Variants in CLCN3 observed in about 807,000 individuals in gnomAD.
CLCN3 encodes the protein H(+)/Cl(-) exchange transporter 3.
A neutral mutation model predicts 83.4 loss-of-function variants in CLCN3; 16 were observed. The ratio of observed to expected loss-of-function variants is 0.19; its 90% CI spans 0.13 to 0.29. CLCN3 has a LOEUF of 0.29. Ranked by LOEUF, CLCN3 falls within the 10% of genes least tolerant of loss-of-function variation. The pLI is 1.00. For missense variants in CLCN3, 544 were observed against 1,006.0 expected (o/e 0.54, Z 6.21); for synonymous variants, 322 against 346.2 (o/e 0.93, Z 0.78).
intron 2 of CLCN3, among the ~76,000 whole-genome samples, chr4:169,647,629 T>TA (rs560556293): frequency 6.8e-4 from 103 of 152,244 alleles, no homozygotes; most frequent in African/African-American, 2.4e-3. Context: ...GCAACAAAAA[T>TA]AATGTAGCAT....
intron 2 of CLCN3, among the ~76,000 whole-genome samples, chr4:169,646,550 C>T (rs564124203): frequency 3.3e-5 from 5 of 152,258 alleles, no homozygotes; most frequent in African/African-American, 9.6e-5. Context: ...CCCCCCTCGG[C>T]CTTCCAAAAT....
chr4:169,681,181 G>C (rs1364670364), intron 3 of CLCN3, among the ~76,000 whole-genome samples: 7 of 152,120 alleles, frequency 4.6e-5, no homozygotes, highest in Non-Finnish European at 1.0e-4. Flanking sequence ...CTGAGTAGCT[G>C]GAATTATAGG....
At chr4:169,681,236 T>C (rs1386206246) in intron 3 of CLCN3, among the ~76,000 whole-genome samples, 1 of 152,112 alleles carries the variant, frequency 6.6e-6, no homozygotes, top group Non-Finnish European at 1.5e-5. Flanking sequence ...TTAGTAGAGA[T>C]GAAGTTTCGC....
chr4:169,667,317 G>A (rs1461947326), intron 2 of CLCN3, among the ~76,000 whole-genome samples: 10 of 150,482 alleles, frequency 6.6e-5, no homozygotes, highest in Non-Finnish European at 1.5e-4. Flanking sequence ...CTTTTTAACC[G>A]CTGTTACTCA....
intron 2 of CLCN3, among the ~76,000 whole-genome samples, chr4:169,643,872 A>T (rs905944943): frequency 6.6e-6 from 1 of 151,994 alleles, no homozygotes; most frequent in Non-Finnish European, 1.5e-5. Context: ...GAGAGCTCAA[A>T]TTTTTTTTAT....
chr4:169,622,219 A>G (rs191797158), intron 1 of CLCN3, among the ~76,000 whole-genome samples: 27 of 152,346 alleles, frequency 1.8e-4, no homozygotes, highest in African/African-American at 6.5e-4. Context: ...GTACTTCAGT[A>G]TGTGTTATCA....
At chr4:169,717,943 C>T in intron 12 of CLCN3, 1 of 930,842 alleles carries the variant, frequency 1.1e-6, no homozygotes, top group African/African-American at 1.6e-5. Flanking sequence ...CTGTTGAGTT[C>T]TGTCTTTCCC....
intron 1 of CLCN3, among the ~76,000 whole-genome samples, chr4:169,634,374 G>A (rs1007320344): frequency 6.6e-6 from 1 of 152,126 alleles, no homozygotes; most frequent in Non-Finnish European, 1.5e-5. Flanking sequence ...TACATGCTTT[G>A]ATACATCAAA....
intron 10 of CLCN3, among the ~76,000 whole-genome samples, chr4:169,705,952 G>T (rs1732971995): frequency 1.3e-5 from 2 of 152,172 alleles, no homozygotes; most frequent in Non-Finnish European, 2.9e-5. Context: ...GATCATGGGA[G>T]TCCAGGAGTT....
At chr4:169,671,957 A>C (rs1049734417) in intron 2 of CLCN3, among the ~76,000 whole-genome samples, 2 of 152,134 alleles carry the variant, frequency 1.3e-5, no homozygotes, top group Non-Finnish European at 2.9e-5. Context: ...CACGCCTGTA[A>C]TCCCGACACT....
intron 2 of CLCN3, among the ~76,000 whole-genome samples, chr4:169,649,625 AG>A (rs1410777015): frequency 6.6e-6 from 1 of 152,246 alleles, no homozygotes; most frequent in Non-Finnish European, 1.5e-5. Flanking sequence ...TGCAGTTGGT[AG>A]TGCCATTTAT....
At chr4:169,709,161 A>G (rs1037757908) in intron 11 of CLCN3, among the ~76,000 whole-genome samples, 9 of 149,308 alleles carry the variant, frequency 6.0e-5, no homozygotes, top group Non-Finnish European at 1.0e-4. Context: ...TGTATGTGTT[A>G]TATATAGTTA....
intron 1 of CLCN3, among the ~76,000 whole-genome samples, chr4:169,627,592 G>C (rs1773266933): frequency 6.6e-6 from 1 of 151,930 alleles, no homozygotes; most frequent in African/African-American, 2.4e-5. Context: ...ATTAATAAAT[G>C]ACTCCAAAAA....
intron 2 of CLCN3, among the ~76,000 whole-genome samples, chr4:169,672,858 T>C (rs1006701588): frequency 6.6e-6 from 1 of 151,950 alleles, no homozygotes; most frequent in Non-Finnish European, 1.5e-5. Flanking sequence ...AGAGACAGGG[T>C]TTCACCATCT....
In CLCN3 at chr4:169,713,274, A is replaced by G. The variant is rs1418525094; in HGVS notation, c.2345A>G (p.Gln782Arg). The change falls in exon 12 of 13, where the codon CAG becomes CGG. Residue 782 changes from glutamine to arginine, a missense_variant. Gln to Arg is a conservative substitution (Grantham distance 43, BLOSUM62 1). Transcript: ENST00000513761. Reference protein sequence around the residue: ...VDIFRKLGLRQCLVTHNGRLL... With the variant: ...VDIFRKLGLRRCLVTHNGRLL... ...ATTTTCCGAAAGCTGGGACTGAGGC[A>G]GTGCCTTGTAACTCACAATGGGTAA... 1.2e-6 allele frequency: 2 copies of G among 1,613,614 alleles called. No individual in the cohort carries two copies. The highest frequency in any genetic ancestry group is 8.5e-7 in the Non-Finnish European group (1 of 1,179,616).
At chr4:169,704,979 T>A (rs1732934912) in intron 10 of CLCN3, among the ~76,000 whole-genome samples, 1 of 152,238 alleles carries the variant, frequency 6.6e-6, no homozygotes, top group Non-Finnish European at 1.5e-5. Flanking sequence ...TTGTGCTAGA[T>A]ACAGTGCATA....
chr4:169,717,240 G>T (rs1436066961), intron 12 of CLCN3, among the ~76,000 whole-genome samples: 1 of 152,166 alleles, frequency 6.6e-6, no homozygotes, highest in Non-Finnish European at 1.5e-5. Flanking sequence ...ACATTAGGGA[G>T]TGTTTCTTTT....
intron 2 of CLCN3, among the ~76,000 whole-genome samples, chr4:169,668,730 A>ATTTTTTTTTT (rs538629875): frequency 7.1e-6 from 1 of 141,738 alleles, no homozygotes; most frequent in Non-Finnish European, 1.5e-5. Flanking sequence ...AAAGTTTTTG[A>ATTTTTTTTTT]TTTTTTTTTT....
chr4:169,630,561 T>C (rs574073776), intron 1 of CLCN3, among the ~76,000 whole-genome samples: 2 of 152,278 alleles, frequency 1.3e-5, no homozygotes, highest in Non-Finnish European at 2.9e-5. Context: ...GACAGAGTCT[T>C]GTTCTGTCGC....
Sources: gnomAD v4.1 joint callset for allele counts (sites outside exome capture counted in the v4.1 genomes callset) on GRCh38, gnomAD v4.1.1 for gene constraint, MANE v1.5 for transcripts, NCBI Gene and HGNC (gene_info 2026-07-23, HGNC 2026-07-21) for gene names.